PPME1: variants seen among roughly 807,000 people sequenced by gnomAD.
The protein encoded by PPME1 is testicular secretory protein Li 39.
Under a neutral mutation model 56.9 loss-of-function variants are expected in PPME1, and 17 were observed. That is an observed-to-expected ratio of 0.30 (90% confidence interval 0.20 to 0.45). The LOEUF is 0.45. Ranked by LOEUF, PPME1 falls within the 20% of genes least tolerant of loss-of-function variation. The pLI is 1.00. For synonymous variants in PPME1, 122 were observed against 156.2 expected (o/e 0.78, Z 1.63); for missense variants, 357 against 483.2 (o/e 0.74, Z 2.45).
chr11:74,225,597 G>C (rs959052697), intron 5 of PPME1, among the ~76,000 whole-genome samples: 2 of 152,280 alleles, frequency 1.3e-5, no homozygotes, highest in South Asian at 2.1e-4. Flanking sequence ...TGGAAAAGTA[G>C]TTGTATGCAA....
In PPME1 at chr11:74,239,725, C is replaced by T. The variant is rs554633520; in HGVS notation, c.834+469C>T. On this transcript the variant is annotated intron_variant, in intron 9 of 13. Transcript: ENST00000328257. ...CCATGTAGCTGGGACTACAGGCGCC[C>T]GCCACCACACCCAGCTAATTTTTTT... Among the ~76,000 whole-genome samples, 139 of 151,948 alleles carry T rather than the reference C, an allele frequency of 9.1e-4. 2 individuals are homozygous for T. In the South Asian group the frequency reaches 0.02, roughly 21 times the overall value.
At chr11:74,224,534 C>T (rs1157057017) in intron 4 of PPME1, among the ~76,000 whole-genome samples, 4 of 132,834 alleles carry the variant, frequency 3.0e-5, no homozygotes, top group Non-Finnish European at 4.6e-5. Flanking sequence ...TTACCTTGGG[C>T]AGTATGGCCA....
At chr11:74,226,624 C>T (rs1448367402) in intron 5 of PPME1, among the ~76,000 whole-genome samples, 1 of 152,108 alleles carries the variant, frequency 6.6e-6, no homozygotes, top group Non-Finnish European at 1.5e-5. Context: ...AAGTGAAATA[C>T]ATCATCTGAG....
At chr11:74,241,327 T>C (rs1221050360) in intron 9 of PPME1, among the ~76,000 whole-genome samples, 3 of 152,264 alleles carry the variant, frequency 2.0e-5, no homozygotes, top group Non-Finnish European at 2.9e-5. Context: ...ACTTCATTTC[T>C]CTATATGGTT....
intron 3 of PPME1, 120 bp downstream of exon 3, chr11:74,204,565 T>C: frequency 1.3e-6 from 1 of 784,970 alleles, no homozygotes; most frequent in Non-Finnish European, 2.1e-6. Flanking sequence ...ATTCCAGGCA[T>C]ACACACAGAC....
intron 1 of PPME1, among the ~76,000 whole-genome samples, chr11:74,184,161 A>G (rs577869071): frequency 6.6e-6 from 1 of 152,346 alleles, no homozygotes; most frequent in South Asian, 2.1e-4. Flanking sequence ...AGTGCCTAGT[A>G]CATATACATG....
intron 1 of PPME1, among the ~76,000 whole-genome samples, chr11:74,176,530 A>G (rs1324577298): frequency 6.6e-6 from 1 of 151,850 alleles, no homozygotes; most frequent in African/African-American, 2.4e-5. Flanking sequence ...TTTTTGGTAT[A>G]TTCACTCAGT....
chr11:74,190,078 T>A (rs1436139415), intron 1 of PPME1, among the ~76,000 whole-genome samples: 2 of 152,178 alleles, frequency 1.3e-5, no homozygotes, highest in African/African-American at 4.8e-5. Flanking sequence ...GTTTATAAAA[T>A]GAGAGACAGA....
intron 13 of PPME1, 149 bp downstream of exon 13, chr11:74,251,864 GTCTGTT>G (rs769725990): frequency 1.0e-6 from 1 of 995,366 alleles, no homozygotes; most frequent in South Asian, 1.3e-5. Context: ...AGCCTGGCAT[GTCTGTT>G]TCTACAAAGC....
In PPME1 at chr11:74,251,611, A is replaced by G. The variant is rs566850148; in HGVS notation, c.1075-37A>G. On this transcript the variant is annotated intron_variant, in intron 12 of 13. Coordinates refer to ENST00000328257, the MANE Select transcript of PPME1 (RefSeq NM_016147.3). The stretch of plus-strand genomic sequence containing the variant: ...AGCCCAAGGCTAAGCCCCATCACTA[A>G]CCTTTATATGGCCTGGAATATCTCT... 34 of 1,606,594 alleles carry G rather than the reference A, an allele frequency of 2.1e-5. No homozygotes were observed. In the Admixed American group the frequency reaches 4.3e-4, roughly 21 times the overall value.
At chr11:74,195,673 T>C (rs1197637876) in intron 1 of PPME1, among the ~76,000 whole-genome samples, 2 of 152,222 alleles carry the variant, frequency 1.3e-5, no homozygotes, top group African/African-American at 4.8e-5. Flanking sequence ...TGCCTTACAG[T>C]TTTCCAAATA....
intron 8 of PPME1, chr11:74,238,908 A>G (rs1187588871): frequency 7.6e-6 from 3 of 393,560 alleles, no homozygotes; most frequent in African/African-American, 2.0e-5. Context: ...CTCCCTTTCT[A>G]TGGGTCAGTA....
At chr11:74,203,239 A>G (rs1252143552) in intron 1 of PPME1, among the ~76,000 whole-genome samples, 2 of 152,100 alleles carry the variant, frequency 1.3e-5, no homozygotes, top group Non-Finnish European at 2.9e-5. Context: ...TTGTATATTG[A>G]TTGTTTGGGA....
At chr11:74,237,273 G>GTTTTTTTTTT (rs1859214670) in intron 8 of PPME1, among the ~76,000 whole-genome samples, 2 of 134,376 alleles carry the variant, frequency 1.5e-5, no homozygotes, top group African/African-American at 6.9e-5. Flanking sequence ...ATGTCTGGTT[G>GTTTTTTTTTT]TCTTTTTTTT....
rs1330742033 is a variant in PPME1, at chr11:74,222,316, C to A, written c.293C>A (p.Ala98Glu). ...TACTTTTCCTTTTTCTCCTAGGCAG[C>A]GATTATTAGTAGAGTTCAGTGTAGG... ...SALSWAVFTA[A>E]IISRVQCRIV... The change falls in exon 4 of 14, where the codon GCG becomes GAG. Residue 98 changes from alanine (A) to glutamate (E), a missense_variant. By Grantham distance (107) the Ala-to-Glu change is moderately radical. This residue lies in a region of PPME1 where 175 missense variants were observed against 189.4 expected (regional missense o/e 0.92). Transcript: ENST00000328257. The A allele has an allele frequency of 1.9e-6, 3 of 1,609,796 alleles. No individual in the cohort carries two copies. Among genetic ancestry groups the A allele is most frequent in the Non-Finnish European group, 2.6e-6 (3 of 1,176,416 alleles).
chr11:74,231,930 A>T (rs1014172160), intron 7 of PPME1, among the ~76,000 whole-genome samples: 1 of 152,258 alleles, frequency 6.6e-6, no homozygotes, highest in Non-Finnish European at 1.5e-5. Context: ...TAAAGTATTT[A>T]TTAAACACTT....
rs755434985 is a variant in PPME1, at chr11:74,230,878, A to C, written c.554-34A>C. On this transcript the variant is annotated intron_variant, in intron 6 of 13. Transcript: ENST00000328257. The surrounding 1 kb of genome is among the most constrained non-coding windows in gnomAD (Gnocchi z 4.9). ...TAAGTGTAAATGCTCAGAATAAGTT[A>C]AATATGTGGTTACAGTTTTTGTTTA... The C allele has an allele frequency of 1.8e-5, 27 of 1,474,444 alleles. 1 individual carries two copies. In the South Asian group the frequency reaches 3.1e-4, roughly 17 times the overall value. 91.3% of individuals were successfully genotyped at this position (1,474,444 alleles called of 1,614,324 possible). A position where few individuals can be genotyped will look rare whatever the true frequency, so the allele number is the denominator to read the frequency against.
chr11:74,211,114 C>T (rs1255348038), intron 3 of PPME1, among the ~76,000 whole-genome samples: 2 of 151,826 alleles, frequency 1.3e-5, no homozygotes, highest in Non-Finnish European at 2.9e-5. Flanking sequence ...ATGTAAAATA[C>T]GTGGGAATAG....
intron 3 of PPME1, among the ~76,000 whole-genome samples, chr11:74,219,393 T>C (rs1004975281): frequency 6.6e-6 from 1 of 150,828 alleles, no homozygotes; most frequent in African/African-American, 2.4e-5. Flanking sequence ...CCCGCTACTA[T>C]GTATATAGCC....
Sources: allele counts gnomAD v4.1 joint callset (sites outside exome capture counted in the v4.1 genomes callset), GRCh38; gene constraint gnomAD v4.1.1; regional missense constraint gnomAD v4.1.1; non-coding constraint Gnocchi (gnomAD v3.1); transcripts MANE v1.5; gene names NCBI Gene and HGNC (gene_info 2026-07-23, HGNC 2026-07-21).